PARD3: variants seen among roughly 807,000 people sequenced by gnomAD.
PARD3 encodes partitioning defective 3 homolog.
In PARD3, 75 loss-of-function variants were observed where a neutral mutation model predicts 155.4. The observed-to-expected ratio is 0.48, with a 90% CI of 0.40 to 0.58. The LOEUF is 0.58. PARD3 is among the 20% of genes least tolerant of loss of function. The probability of loss-of-function intolerance (pLI) is 0.00; values close to 1 mark genes in which losing one functional copy is unlikely to be tolerated. For missense variants in PARD3, 1,642 were observed against 1,721.7 expected, an observed-to-expected ratio of 0.95 and a Z score of 0.82; for synonymous variants, 576 against 610.5, an observed-to-expected ratio of 0.94 and a Z score of 0.83.
At chr10:34,764,225 T>C (rs1165955305) in intron 1 of PARD3, among the ~76,000 whole-genome samples, 2 of 152,140 alleles carry the variant, frequency 1.3e-5, no homozygotes, top group Non-Finnish European at 2.9e-5. Flanking sequence ...TTAAGGAAAA[T>C]GGGCAACCTA....
At chr10:34,115,077 G>A (rs3862566) in intron 24 of PARD3, among the ~76,000 whole-genome samples, 27,045 of 152,114 alleles carry the variant, frequency 0.18, 2,901 homozygotes, top group Middle Eastern at 0.3. Context: ...TCTGATGCCC[G>A]AGGAAAGCCA....
chr10:34,131,366 T>C, intron 23 of PARD3, 97 bp downstream of exon 23: 1 of 1,382,526 alleles, frequency 7.2e-7, no homozygotes. Context: ...TGGCTCCATC[T>C]TGTCTCGTTT....
chr10:34,790,069 T>C (rs996765540), intron 1 of PARD3, among the ~76,000 whole-genome samples: 3 of 152,222 alleles, frequency 2.0e-5, no homozygotes, highest in Non-Finnish European at 2.9e-5. Context: ...ATAAAACTTG[T>C]CATGTTCTGG....
chr10:34,660,944 AC>A (rs1475348399), intron 2 of PARD3, among the ~76,000 whole-genome samples: 1 of 152,138 alleles, frequency 6.6e-6, no homozygotes, highest in Non-Finnish European at 1.5e-5. Context: ...ACTCAATACT[AC>A]CACTGAGAAG....
In PARD3 at chr10:34,499,606, CA is replaced by C. The variant is rs2080540311; in HGVS notation, c.403+17372del. 2.6e-5 allele frequency among the ~76,000 whole-genome samples: 4 copies of C among 151,586 alleles called. 1 individual carries two copies. Among genetic ancestry groups the C allele is most frequent in the African/African-American group, 9.7e-5 (4 of 41,392 alleles). On this transcript the variant is annotated intron_variant, in intron 3 of 24. Transcript: ENST00000374788. ...CTAAGATATGAAGTACACATTTAAA[CA>C]TGGATCTGTTGAAATTTTATATTTA...
intron 2 of PARD3, among the ~76,000 whole-genome samples, chr10:34,690,666 G>C (rs555389070): frequency 3.3e-5 from 5 of 152,276 alleles, no homozygotes; most frequent in African/African-American, 1.2e-4. Context: ...CAGAAAACAT[G>C]TTATAAGCCA....
chr10:34,500,200 G>T (rs1049399940), intron 3 of PARD3, among the ~76,000 whole-genome samples: 1 of 152,198 alleles, frequency 6.6e-6, no homozygotes, highest in Non-Finnish European at 1.5e-5. Context: ...TGCTACAGAG[G>T]TCTGGAAGAA....
At chr10:34,115,969 C>A (rs764791020) in intron 24 of PARD3, among the ~76,000 whole-genome samples, 1 of 152,170 alleles carries the variant, frequency 6.6e-6, no homozygotes, top group Non-Finnish European at 1.5e-5. Context: ...GCCTCGGCAT[C>A]CCAAATGCTG....
intron 5 of PARD3, among the ~76,000 whole-genome samples, chr10:34,405,202 T>C (rs1844331153): frequency 6.6e-6 from 1 of 152,008 alleles, no homozygotes; most frequent in African/African-American, 2.4e-5. Flanking sequence ...TGACACATAG[T>C]ACTTACCCAA....
intron 3 of PARD3, chr10:34,488,953 C>T (rs2079677586): frequency 6.5e-6 from 1 of 152,792 alleles, no homozygotes; most frequent in African/African-American, 2.4e-5. Flanking sequence ...CAGCCAGCGC[C>T]CACAGCCCAG....
At chr10:34,424,618 G>T (rs1030838865) in intron 5 of PARD3, among the ~76,000 whole-genome samples, 1 of 152,052 alleles carries the variant, frequency 6.6e-6, no homozygotes, top group African/African-American at 2.4e-5. Flanking sequence ...GGGTTCAAGA[G>T]ATTCTCATTT....
At chr10:34,346,468 T>C in intron 15 of PARD3, 1 of 1,348,216 alleles carries the variant, frequency 7.4e-7, no homozygotes, top group Non-Finnish European at 9.9e-7. Flanking sequence ...AAGGGGAAAT[T>C]ACAGCATATC....
chr10:34,728,239 C>G (rs914283711), intron 1 of PARD3, among the ~76,000 whole-genome samples: 8 of 152,086 alleles, frequency 5.3e-5, no homozygotes, highest in African/African-American at 1.9e-4. Flanking sequence ...AATTTAGGCT[C>G]TTGAATATTT....
intron 22 of PARD3, among the ~76,000 whole-genome samples, chr10:34,193,864 G>A (rs1001561426): frequency 6.6e-6 from 1 of 152,112 alleles, no homozygotes; most frequent in Non-Finnish European, 1.5e-5. Context: ...TACTTTCCTG[G>A]TTTTCAATGC....
At chr10:34,525,271 A>C in intron 2 of PARD3, among the ~76,000 whole-genome samples, 1 of 152,252 alleles carries the variant, frequency 6.6e-6, no homozygotes, top group East Asian at 1.9e-4. Flanking sequence ...CAGCATATTA[A>C]GAAGGGTATA....
intron 1 of PARD3, among the ~76,000 whole-genome samples, chr10:34,708,710 T>TA (rs2133605123): frequency 1.3e-5 from 2 of 152,180 alleles, no homozygotes; most frequent in South Asian, 4.1e-4. Context: ...AATATGTCAT[T>TA]AAAAAAATAA....
intron 1 of PARD3, among the ~76,000 whole-genome samples, chr10:34,769,244 G>A (rs755843911): frequency 9.9e-5 from 15 of 152,118 alleles, no homozygotes; most frequent in East Asian, 9.7e-4. Context: ...CCACCGGTAC[G>A]GCGACCACCA....
chr10:34,110,872 G>C lies in PARD3; in HGVS notation c.*297C>G. 1 of 245,852 alleles carries C rather than the reference G, an allele frequency of 4.1e-6. No individual in the cohort carries two copies. Among genetic ancestry groups the C allele is most frequent in the Non-Finnish European group, 7.8e-6 (1 of 128,160 alleles). 15.2% of individuals were successfully genotyped at this position (245,852 alleles called of 1,614,324 possible). A position where few individuals can be genotyped will look rare whatever the true frequency, so the allele number is the denominator to read the frequency against. ...GCAGGGATGTTACAACCAAGCCGCGGACAACTCATGAGTAGGGCCGAGATT... is the reference window on the plus strand; with the variant it reads ...GCAGGGATGTTACAACCAAGCCGCGCACAACTCATGAGTAGGGCCGAGATT... On this transcript the variant is annotated 3_prime_UTR_variant, in exon 25 of 25. Transcript: ENST00000374788.
chr10:34,605,555 A>ATATATATC lies in PARD3; in HGVS notation c.223-88397_223-88396insGATATATA, dbSNP rs1363176612. On this transcript the variant is annotated intron_variant, in intron 2 of 24. Coordinates refer to ENST00000374788, the MANE Select transcript of PARD3 (RefSeq NM_001184785.2). ...ATATCTCCTATATATATATATATAT[A>ATATATATC]TCTCCTATATATATATATATCTCCT... is the stretch of plus-strand genomic sequence containing the variant. Among the ~76,000 whole-genome samples, 2 of 70,006 alleles carry ATATATATC rather than the reference A, an allele frequency of 2.9e-5. 1 individual carries two copies. The highest frequency in any genetic ancestry group is 4.6e-5 in the Non-Finnish European group (2 of 43,130). The allele number at this position is 70,006 out of a possible 152,430, so 45.9% of individuals were successfully genotyped here.
Sources: allele counts gnomAD v4.1 joint callset (sites outside exome capture counted in the v4.1 genomes callset), GRCh38; gene constraint gnomAD v4.1.1; transcripts MANE v1.5; gene names NCBI Gene and HGNC (gene_info 2026-07-23, HGNC 2026-07-21).